TESC: variants seen among roughly 807,000 people sequenced by gnomAD.
TESC encodes tescalcin.
A neutral mutation model predicts 31.0 loss-of-function variants in TESC; 19 were observed. The observed-to-expected ratio is 0.61, with a 90% confidence interval of 0.43 to 0.90. The LOEUF (loss-of-function observed/expected upper bound fraction) is 0.90, where lower values mean the gene tolerates loss of function less well. TESC is among the 40% of genes least tolerant of loss of function. The pLI is 0.00. For missense variants in TESC, 248 were observed against 303.8 expected (o/e 0.82, Z 1.36); for synonymous variants, 109 against 114.8 (o/e 0.95, Z 0.32).
intron 1 of TESC, among the ~76,000 whole-genome samples, chr12:117,095,645 G>A (rs1001798316): frequency 5.9e-5 from 9 of 152,298 alleles, no homozygotes; most frequent in African/African-American, 1.4e-4. Context: ...TCAAGAGGCT[G>A]AAGTGGGAGG....
rs769532411 is a variant in TESC at position 117,046,681 on chromosome 12, G to A, written c.412-15C>T. 2.1e-5 allele frequency: 33 copies of A among 1,552,014 alleles called. No homozygotes were observed. The highest frequency in any genetic ancestry group is 1.7e-4 in the Middle Eastern group (1 of 6,014). ...TCCTCGACCACCTGCCAGGTGGGGC[G>A]GAAACAAACGGTGACCTTGGGCCTC... On this transcript the variant is annotated splice_polypyrimidine_tract_variant and intron_variant, in intron 5 of 7. Coordinates refer to ENST00000335209, the MANE Select transcript of TESC (RefSeq NM_017899.4).
intron 4 of TESC, among the ~76,000 whole-genome samples, chr12:117,048,479 G>A (rs1312541703): frequency 6.6e-6 from 1 of 152,186 alleles, no homozygotes; most frequent in Non-Finnish European, 1.5e-5. Flanking sequence ...CACTGCCTGG[G>A]ACCTGTGCGG....
intron 1 of TESC, among the ~76,000 whole-genome samples, chr12:117,076,842 G>A (rs1344713385): frequency 6.6e-6 from 1 of 152,170 alleles, no homozygotes. Context: ...AAGTCTGTGC[G>A]ACTGACCCCA....
intron 1 of TESC, among the ~76,000 whole-genome samples, chr12:117,085,738 G>A (rs1955211862): frequency 6.6e-6 from 1 of 152,176 alleles, no homozygotes; most frequent in South Asian, 2.1e-4. Context: ...GCTGCCGGGG[G>A]AGGCTGCTGT....
intron 1 of TESC, among the ~76,000 whole-genome samples, chr12:117,086,176 T>A (rs1373855602): frequency 6.6e-6 from 1 of 152,154 alleles, no homozygotes; most frequent in Non-Finnish European, 1.5e-5. Context: ...TATGAGGTTT[T>A]TTGGAGGGCG....
At chr12:117,052,821 G>T (rs1350625097) in intron 3 of TESC, among the ~76,000 whole-genome samples, 1 of 151,962 alleles carries the variant, frequency 6.6e-6, no homozygotes, top group Non-Finnish European at 1.5e-5. Flanking sequence ...TTCTCTCCTG[G>T]CCTCTGCAGC....
rs1565958932 is a variant in TESC at position 117,046,552 on chromosome 12, C to CG, written c.519+6dup. ...GCGCGTCTCGGGAGGGCTGCAGGGG[C>CG]GCTCACCATCTGCCCCATGCACACG... is the stretch of plus-strand genomic sequence containing the variant. On this transcript the variant is annotated splice_region_variant and intron_variant, in intron 6 of 7. Coordinates refer to ENST00000335209, the MANE Select transcript of TESC (RefSeq NM_017899.4). 1 of 1,547,078 alleles carries CG rather than the reference C, an allele frequency of 6.5e-7. No homozygotes were observed. Among genetic ancestry groups the CG allele is most frequent in the Admixed American group, 2.0e-5 (1 of 50,826 alleles).
In TESC at chr12:117,099,207, C is replaced by A; in HGVS notation, c.58+18G>T. ...AGGTCCCGCCCCGGTCCCCGCGCCGCCCCCCGCGGGTACTCACAGCCGGTC... is the reference window on the plus strand; with the variant it reads ...AGGTCCCGCCCCGGTCCCCGCGCCGACCCCCGCGGGTACTCACAGCCGGTC... On this transcript the variant is annotated intron_variant, in intron 1 of 7. Coordinates refer to ENST00000335209, the MANE Select transcript of TESC (RefSeq NM_017899.4). 1 of 1,479,586 alleles carries A rather than the reference C, an allele frequency of 6.8e-7. No homozygotes were observed. The highest frequency in any genetic ancestry group is 8.9e-7 in the Non-Finnish European group (1 of 1,122,490). The allele number at this position is 1,479,586 out of a possible 1,614,324, so 91.7% of individuals were successfully genotyped here.
intron 2 of TESC, among the ~76,000 whole-genome samples, chr12:117,071,803 C>G (rs1593012102): frequency 2.6e-5 from 4 of 152,138 alleles, no homozygotes; most frequent in African/African-American, 9.7e-5. Flanking sequence ...GCCATCAGCA[C>G]AGAGAGGCCG....
chr12:117,091,054 G>A lies in TESC; in HGVS notation c.58+8171C>T, dbSNP rs576282136. On this transcript the variant is annotated intron_variant, in intron 1 of 7. Transcript: ENST00000335209. The stretch of plus-strand genomic sequence containing the variant: ...GAAGGCTTGCTCCTGACAGAGTGCC[G>A]GTCTGCAAAGGTCACACTGCTGGGA... 5.3e-5 allele frequency among the ~76,000 whole-genome samples: 8 copies of A among 152,304 alleles called. No homozygotes were observed. In the South Asian group the frequency reaches 8.3e-4, roughly 16 times the overall value.
chr12:117,093,715 G>T (rs1467820387), intron 1 of TESC, among the ~76,000 whole-genome samples: 1 of 152,160 alleles, frequency 6.6e-6, no homozygotes, highest in Non-Finnish European at 1.5e-5. Flanking sequence ...TGAACGTGTG[G>T]CAGATGCCAC....
At chr12:117,053,464 C>G (rs1048843815) in intron 3 of TESC, among the ~76,000 whole-genome samples, 1 of 152,154 alleles carries the variant, frequency 6.6e-6, no homozygotes, top group Non-Finnish European at 1.5e-5. Flanking sequence ...GCAGACAGAC[C>G]CGAGTTGGAA....
chr12:117,060,075 G>A (rs994126294), intron 2 of TESC, among the ~76,000 whole-genome samples: 3 of 152,174 alleles, frequency 2.0e-5, no homozygotes, highest in Non-Finnish European at 2.9e-5. Flanking sequence ...GATGGCTAAC[G>A]GGTGCAGAGC....
At chr12:117,045,374 T>A (rs1259471837) in intron 6 of TESC, among the ~76,000 whole-genome samples, 1 of 152,172 alleles carries the variant, frequency 6.6e-6, no homozygotes, top group East Asian at 1.9e-4. Flanking sequence ...AAGAAAACTG[T>A]CGCCAATTGA....
intron 1 of TESC, among the ~76,000 whole-genome samples, chr12:117,087,317 C>G (rs1366776802): frequency 6.6e-6 from 1 of 152,184 alleles, no homozygotes; most frequent in Non-Finnish European, 1.5e-5. Flanking sequence ...ACCTTAATAC[C>G]CTTTTTCATG....
chr12:117,090,070 T>C (rs12366868), intron 1 of TESC, among the ~76,000 whole-genome samples: 14,225 of 152,094 alleles, frequency 0.094, 886 homozygotes, highest in Non-Finnish European at 0.12. Context: ...CCAGCAACCT[T>C]ATATTTTACA....
intron 1 of TESC, among the ~76,000 whole-genome samples, chr12:117,093,781 A>ATTT (rs35866896): frequency 2.1e-5 from 3 of 141,586 alleles, no homozygotes; most frequent in African/African-American, 7.8e-5. Context: ...AGGTCTGGAG[A>ATTT]TTTTTTTTTT....
intron 1 of TESC, among the ~76,000 whole-genome samples, chr12:117,079,525 G>A (rs1469290095): frequency 2.0e-5 from 3 of 151,486 alleles, no homozygotes; most frequent in Non-Finnish European, 2.9e-5. Flanking sequence ...TCGTGCCACT[G>A]CACTCCAGAC....
chr12:117,041,733 T>C (rs927978819), intron 7 of TESC, among the ~76,000 whole-genome samples: 1 of 152,254 alleles, frequency 6.6e-6, no homozygotes, highest in Non-Finnish European at 1.5e-5. Context: ...TTGTTTTGAC[T>C]ACGTGTGAAT....
Sources: gnomAD v4.1 joint callset for allele counts (sites outside exome capture counted in the v4.1 genomes callset) on GRCh38, gnomAD v4.1.1 for gene constraint, MANE v1.5 for transcripts, NCBI Gene and HGNC (gene_info 2026-07-23, HGNC 2026-07-21) for gene names.